Variants in MAP2 observed in about 807,000 individuals in gnomAD.
The protein encoded by MAP2 is microtubule associated protein 2.
In MAP2, 14 loss-of-function variants were observed where a neutral mutation model predicts 137.6. The observed-to-expected ratio is 0.10, with a 90% CI of 0.07 to 0.16. The LOEUF (loss-of-function observed/expected upper bound fraction) is 0.16, where lower values mean the gene tolerates loss of function less well. MAP2 is among the 10% of genes least tolerant of loss of function. The pLI, the probability that MAP2 is intolerant of heterozygous loss-of-function variation, is 1.00. For missense variants in MAP2, 2,088 were observed against 2,191.5 expected (o/e 0.95, Z 0.94); for synonymous variants, 786 against 782.3 (o/e 1.00, Z -0.08).
chr2:209,728,845 A>G (rs1225834461), intron 14 of MAP2, among the ~76,000 whole-genome samples: 5 of 148,872 alleles, frequency 3.4e-5, no homozygotes, highest in Non-Finnish European at 7.4e-5. Context: ...AGTGAGACCT[A>G]CGTTACCGCT....
chr2:209,538,004 A>C (rs1258383232), intron 2 of MAP2, among the ~76,000 whole-genome samples: 1 of 152,194 alleles, frequency 6.6e-6, no homozygotes, highest in Admixed American at 6.5e-5. Flanking sequence ...AGATTAAGTA[A>C]CTTGCCCAGA....
At chr2:209,519,962 G>A (rs2063040634) in intron 2 of MAP2, among the ~76,000 whole-genome samples, 1 of 151,972 alleles carries the variant, frequency 6.6e-6, no homozygotes, top group Non-Finnish European at 1.5e-5. Flanking sequence ...AGAGCAGAAT[G>A]GATCATATAA....
intron 2 of MAP2, among the ~76,000 whole-genome samples, chr2:209,552,458 T>C (rs925940012): frequency 3.3e-5 from 5 of 152,164 alleles, no homozygotes; most frequent in African/African-American, 1.2e-4. Context: ...TAGAATGAAA[T>C]AAGCAATTCA....
At chr2:209,639,259 C>A (rs1297901087) in intron 4 of MAP2, among the ~76,000 whole-genome samples, 1 of 151,844 alleles carries the variant, frequency 6.6e-6, no homozygotes, top group Non-Finnish European at 1.5e-5. Context: ...ATGTCAATAC[C>A]CATCAAAATT....
At chr2:209,454,798 T>TTG (rs113058812) in intron 1 of MAP2, among the ~76,000 whole-genome samples, 5,437 of 151,924 alleles carry the variant, frequency 0.036, 341 homozygotes, top group African/African-American at 0.12. Context: ...ATTGCACTCA[T>TTG]TGTGTGTGTG....
intron 2 of MAP2, among the ~76,000 whole-genome samples, chr2:209,573,319 A>C (rs1578683789): frequency 1.3e-5 from 1 of 78,866 alleles, no homozygotes; most frequent in Non-Finnish European, 2.3e-5. Flanking sequence ...TTTTTTGAGG[A>C]GTCTTACTCT....
chr2:209,733,474 AC>A lies in MAP2; in HGVS notation c.*3078del. ...AGTGACCTTCTCCACACACACACAC[AC>A]ACACACACACACACACACCTACAGT... On this transcript the variant is annotated 3_prime_UTR_variant, in exon 16 of 16. Transcript: ENST00000682079. 6.6e-6 allele frequency: 1 copy of A among 152,170 alleles called. No homozygotes were observed. The highest frequency in any genetic ancestry group is 1.5e-5 in the Non-Finnish European group (1 of 67,970). The allele number at this position is 152,170 out of a possible 1,614,324, so 9.4% of individuals were successfully genotyped here. A position where few individuals can be genotyped will look rare whatever the true frequency, so the allele number is the denominator to read the frequency against.
intron 2 of MAP2, among the ~76,000 whole-genome samples, chr2:209,531,416 A>G (rs1023407671): frequency 6.6e-6 from 1 of 152,282 alleles, no homozygotes; most frequent in African/African-American, 2.4e-5. Context: ...TTTAGTGGTT[A>G]TTACATTTGA....
rs565498377 is a variant in MAP2 at position 209,609,365 on chromosome 2, A to G, written c.-106-15688A>G. Among the ~76,000 whole-genome samples, 114 of 152,278 alleles carry G rather than the reference A, an allele frequency of 7.5e-4. 3 individuals are homozygous for G. Among genetic ancestry groups the G allele is most frequent in the Non-Finnish European group, 6.6e-4 (45 of 68,024 alleles). The stretch of plus-strand genomic sequence containing the variant: ...ATTGAGTGAGATATAATTCACATAT[A>G]AAAATTCACCCCTTTAAATTAAATA... On this transcript the variant is annotated intron_variant, in intron 3 of 15. Transcript: ENST00000682079.
At chr2:209,623,103 AT>A in intron 3 of MAP2, among the ~76,000 whole-genome samples, 1 of 152,190 alleles carries the variant, frequency 6.6e-6, no homozygotes, top group East Asian at 1.9e-4. Flanking sequence ...AATAATGAAC[AT>A]GCTCTTTGAT....
chr2:209,650,668 A>C (rs73072867), intron 4 of MAP2, among the ~76,000 whole-genome samples: 2,566 of 152,296 alleles, frequency 0.017, 75 homozygotes, highest in African/African-American at 0.059. Context: ...TATGGACTGT[A>C]GTTAAAAGTA....
intron 3 of MAP2, among the ~76,000 whole-genome samples, chr2:209,619,449 C>T (rs2153516136): frequency 6.6e-6 from 1 of 151,988 alleles, no homozygotes; most frequent in African/African-American, 2.4e-5. Flanking sequence ...GTTTTGTATG[C>T]AACTTAGAGA....
At chr2:209,498,249 T>G (rs569881322) in intron 1 of MAP2, among the ~76,000 whole-genome samples, 1 of 152,350 alleles carries the variant, frequency 6.6e-6, no homozygotes, top group Non-Finnish European at 1.5e-5. Context: ...ATAATATCTT[T>G]TGACTCCATG....
At chr2:209,525,470 T>C (rs1466140157) in intron 2 of MAP2, among the ~76,000 whole-genome samples, 1 of 152,170 alleles carries the variant, frequency 6.6e-6, no homozygotes, top group East Asian at 1.9e-4. Context: ...GAAGAATTGT[T>C]ATTCACGGAA....
At chr2:209,521,159 C>G (rs2063218788) in intron 2 of MAP2, among the ~76,000 whole-genome samples, 1 of 152,002 alleles carries the variant, frequency 6.6e-6, no homozygotes, top group South Asian at 2.1e-4. Flanking sequence ...TAAACAAATG[C>G]TTTCTTGAGC....
intron 3 of MAP2, among the ~76,000 whole-genome samples, chr2:209,620,244 A>T (rs1397791678): frequency 6.6e-6 from 1 of 152,184 alleles, no homozygotes; most frequent in African/African-American, 2.4e-5. Flanking sequence ...TTCAGACAAG[A>T]CTAGATCATT....
chr2:209,728,138 A>G (rs2074751151), intron 14 of MAP2, among the ~76,000 whole-genome samples: 2 of 152,196 alleles, frequency 1.3e-5, no homozygotes, highest in Admixed American at 1.3e-4. Context: ...GTCTCCAAAA[A>G]TAAAAAGGAC....
chr2:209,598,426 ATTTATTTTATTT>A (rs1003637824), intron 3 of MAP2, among the ~76,000 whole-genome samples: 27 of 151,278 alleles, frequency 1.8e-4, no homozygotes, highest in Admixed American at 1.3e-3. Flanking sequence ...TATTTTATTT[ATTTATTTTATTT>A]TTTATTTTAT....
In MAP2 at chr2:209,695,922, G is replaced by A. The variant is rs142649637; in HGVS notation, c.3752G>A (p.Arg1251His). ...AQGEYDKLLF[R>H]SDTLQITDLG... ...GGAGAATATGATAAACTGCTCTTCCGCTCAGACACCCTTCAGATAACTGAC... is the reference window on the plus strand; with the variant it reads ...GGAGAATATGATAAACTGCTCTTCCACTCAGACACCCTTCAGATAACTGAC... Residue 1251 changes from arginine (R) to histidine (H), a missense_variant, in exon 8 of 16, where the codon CGC becomes CAC. Physicochemically the swap from Arg to His is conservative, Grantham distance 29. This residue lies in a region of MAP2 where 591 missense variants were observed against 642.6 expected (regional missense o/e 0.92). Transcript: ENST00000682079. The A allele has an allele frequency of 8.9e-5, 144 of 1,614,026 alleles. 1 individual carries two copies. In the Middle Eastern group the frequency reaches 2.5e-3, roughly 28 times the overall value.
Sources: allele counts gnomAD v4.1 joint callset (sites outside exome capture counted in the v4.1 genomes callset), GRCh38; gene constraint gnomAD v4.1.1; regional missense constraint gnomAD v4.1.1; transcripts MANE v1.5; gene names NCBI Gene and HGNC (gene_info 2026-07-23, HGNC 2026-07-21).